DNAH8: variants seen among roughly 807,000 people sequenced by gnomAD.
DNAH8 encodes the protein axonemal beta dynein heavy chain 8.
DNAH8 carries 382 observed loss-of-function variants against 562.1 expected under a neutral mutation model. The observed-to-expected ratio is 0.68, with a 90% CI of 0.63 to 0.74. The LOEUF (loss-of-function observed/expected upper bound fraction) is 0.74, where lower values mean the gene tolerates loss of function less well. Among genes scored for constraint, DNAH8 ranks in the 30% least tolerant of loss-of-function variants. The probability of loss-of-function intolerance (pLI) is 0.00; values close to 1 mark genes in which losing one functional copy is unlikely to be tolerated. For missense variants in DNAH8, 5,203 were observed against 5,620.4 expected, an observed-to-expected ratio of 0.93 and a Z score of 2.37; for synonymous variants, 1,881 against 1,919.4, an observed-to-expected ratio of 0.98 and a Z score of 0.52.
intron 4 of DNAH8, among the ~76,000 whole-genome samples, chr6:38,731,659 C>G (rs111484064): frequency 6.6e-6 from 1 of 152,198 alleles, no homozygotes; most frequent in Non-Finnish European, 1.5e-5. Context: ...ATTATTTTTG[C>G]TACTTACAAA....
rs1263045958 is a variant in DNAH8, at chr6:38,851,673, A to T, written c.5465A>T (p.Gln1822Leu). 1 of 1,582,194 alleles carries T rather than the reference A, an allele frequency of 6.3e-7. No individual in the cohort carries two copies. Among genetic ancestry groups the T allele is most frequent in the Admixed American group, 1.7e-5 (1 of 58,744 alleles). Residue 1822 changes from glutamine to leucine, a missense_variant and splice_region_variant, in exon 39 of 93, where the codon CAG becomes CTG. This residue lies in a region of DNAH8 where 2,176 missense variants were observed against 2,365.1 expected (regional missense o/e 0.92). Coordinates refer to ENST00000327475, the MANE Select transcript of DNAH8 (RefSeq NM_001206927.2). ...CAAGCCAGTGATTCCCACACCATAC[A>T]GGTATAATCTAAGAATCTGTGATCT... ...LGQASDSHTI[Q>L]PHLPAVSDNI...
At chr6:38,964,615 C>A (rs1460110764) in intron 82 of DNAH8, among the ~76,000 whole-genome samples, 1 of 151,238 alleles carries the variant, frequency 6.6e-6, no homozygotes, top group Non-Finnish European at 1.5e-5. Flanking sequence ...ACTGAAAAAT[C>A]AAAAATGTCT....
chr6:38,729,827 T>C (rs765889198), intron 3 of DNAH8, 75 bp from the exon 4 acceptor site: 16 of 777,860 alleles, frequency 2.1e-5, no homozygotes, highest in Non-Finnish European at 3.4e-5. Context: ...TCTTTGAGCT[T>C]CATCTTCTTC....
Position 38,953,890 on chromosome 6 carries a change from A to G in DNAH8, c.12451+2370A>G, listed in dbSNP as rs1367444975. On this transcript the variant is annotated intron_variant, in intron 82 of 92. Coordinates refer to ENST00000327475, the MANE Select transcript of DNAH8 (RefSeq NM_001206927.2). ...TGGGGGAAACTATGGTCTGGAGATA[A>G]GGCCCCAGACCTAGTCCGTGGCAGA... is the stretch of plus-strand genomic sequence containing the variant. 2.0e-5 allele frequency among the ~76,000 whole-genome samples: 3 copies of G among 151,700 alleles called. No individual in the cohort carries two copies. In the South Asian group the frequency reaches 6.2e-4, roughly 32 times the overall value.
chr6:39,005,680 C>T (rs1765753674), intron 88 of DNAH8, among the ~76,000 whole-genome samples: 1 of 152,124 alleles, frequency 6.6e-6, no homozygotes, highest in African/African-American at 2.4e-5. Flanking sequence ...TTCTTGCCTT[C>T]ATTCTTGAAA....
At chr6:38,900,917 C>T (rs1025651764) in intron 62 of DNAH8, among the ~76,000 whole-genome samples, 2 of 152,196 alleles carry the variant, frequency 1.3e-5, no homozygotes, top group African/African-American at 2.4e-5. Flanking sequence ...CCGATTTTAG[C>T]AATTCTGTGT....
chr6:39,022,004 G>T (rs1236936048), intron 91 of DNAH8, among the ~76,000 whole-genome samples: 1 of 152,102 alleles, frequency 6.6e-6, no homozygotes, highest in East Asian at 1.9e-4. Flanking sequence ...TTGAACTGTT[G>T]GATTACTACT....
intron 68 of DNAH8, among the ~76,000 whole-genome samples, chr6:38,916,296 G>A (rs1781308343): frequency 6.6e-6 from 1 of 152,142 alleles, no homozygotes; most frequent in African/African-American, 2.4e-5. Context: ...TGCTGGGAAT[G>A]CTTTTCCTAA....
chr6:38,955,524 G>C (rs571534170), intron 82 of DNAH8, among the ~76,000 whole-genome samples: 4 of 151,950 alleles, frequency 2.6e-5, no homozygotes, highest in Non-Finnish European at 5.9e-5. Flanking sequence ...CCAGTTACTC[G>C]GGAGGCTGAG....
intron 88 of DNAH8, among the ~76,000 whole-genome samples, chr6:38,994,715 T>C (rs1456855356): frequency 1.3e-5 from 2 of 149,824 alleles, no homozygotes; most frequent in Admixed American, 1.3e-4. Context: ...TGGCATGATC[T>C]CGGCTCACTG....
chr6:38,979,549 G>A (rs1262080389), intron 85 of DNAH8, among the ~76,000 whole-genome samples: 3 of 152,156 alleles, frequency 2.0e-5, no homozygotes, highest in African/African-American at 4.8e-5. Context: ...ATTTGTGAAA[G>A]AAAAGGCACC....
At chr6:38,825,809 T>C (rs1773262928) in intron 28 of DNAH8, among the ~76,000 whole-genome samples, 1 of 152,052 alleles carries the variant, frequency 6.6e-6, no homozygotes, top group African/African-American at 2.4e-5. Context: ...CCTCATGGGA[T>C]CTCTCGAGAA....
Position 38,723,392 on chromosome 6 carries a change from A to G in DNAH8, c.446A>G (p.Lys149Arg), listed in dbSNP as rs1175189474. The G allele has an allele frequency of 1.2e-6, 2 of 1,612,460 alleles. No individual in the cohort carries two copies. Among genetic ancestry groups the G allele is most frequent in the Non-Finnish European group, 1.7e-6 (2 of 1,179,800 alleles). Residue 149 changes from lysine (K) to arginine (R), a missense_variant, in exon 3 of 93, where the codon AAA becomes AGA. Physicochemically the swap from Lys to Arg is conservative, Grantham distance 26 (BLOSUM62 2). Coordinates refer to ENST00000327475, the MANE Select transcript of DNAH8 (RefSeq NM_001206927.2). ...SRRLKIDPSY[K>R]YIFEILAENL... The stretch of plus-strand genomic sequence containing the variant: ...AGACTGAAAATTGACCCTTCATACA[A>G]ATATATATTTGAAATTCTAGCAGAA...
chr6:38,999,582 G>A (rs898747968), intron 88 of DNAH8, among the ~76,000 whole-genome samples: 1 of 151,832 alleles, frequency 6.6e-6, no homozygotes, highest in East Asian at 1.9e-4. Context: ...GTGTTTTGAG[G>A]ACTATTTATA....
rs565242959 is a variant in DNAH8 at position 38,988,492 on chromosome 6, C to T, written c.13054-1520C>T. 9.9e-5 allele frequency among the ~76,000 whole-genome samples: 15 copies of T among 152,278 alleles called. No homozygotes were observed. The South Asian group carries it at 1.9e-3, about 19-fold the overall frequency. ...TTCCTGCAATTTAAGTCATCCACGT[C>T]GTGAAAAATCTAATATTTCTAAGTA... is the stretch of plus-strand genomic sequence containing the variant. On this transcript the variant is annotated intron_variant, in intron 87 of 92. Coordinates refer to ENST00000327475, the MANE Select transcript of DNAH8 (RefSeq NM_001206927.2).
chr6:38,913,649 T>G (rs1781076007), intron 66 of DNAH8, among the ~76,000 whole-genome samples, 200 bp from the exon 67 acceptor site: 1 of 152,234 alleles, frequency 6.6e-6, no homozygotes, highest in South Asian at 2.1e-4. Context: ...AGAGCTATTT[T>G]CTTTGCCTTC....
At chr6:38,986,909 C>G (rs1198198044) in intron 87 of DNAH8, among the ~76,000 whole-genome samples, 1 of 152,224 alleles carries the variant, frequency 6.6e-6, no homozygotes, top group African/African-American at 2.4e-5. Context: ...ACATCCAAAT[C>G]AAGTTGTCTC....
rs1762004845 is a variant in DNAH8, at chr6:38,952,743, T to C, written c.12451+1223T>C. ...TCACCACACTGTTCTATATTCTCAG[T>C]GGATCAGTGTTCAAATGGCCACGGT... On this transcript the variant is annotated intron_variant, in intron 82 of 92. Coordinates refer to ENST00000327475, the MANE Select transcript of DNAH8 (RefSeq NM_001206927.2). 2.0e-5 allele frequency among the ~76,000 whole-genome samples: 3 copies of C among 152,200 alleles called. No individual in the cohort carries two copies. The South Asian group carries it at 6.2e-4, about 32-fold the overall frequency.
chr6:38,992,600 A>T (rs1764867676), intron 88 of DNAH8, among the ~76,000 whole-genome samples: 1 of 152,210 alleles, frequency 6.6e-6, no homozygotes, highest in Non-Finnish European at 1.5e-5. Context: ...TCCATCCTTG[A>T]CAAGAGACTG....
Sources: gnomAD v4.1 joint callset for allele counts (sites outside exome capture counted in the v4.1 genomes callset) on GRCh38, gnomAD v4.1.1 for gene constraint, gnomAD v4.1.1 regional missense constraint, MANE v1.5 for transcripts, NCBI Gene and HGNC (gene_info 2026-07-23, HGNC 2026-07-21) for gene names.